Variants in PARP8 observed in about 807,000 individuals in gnomAD.
PARP8 encodes poly(ADP-ribose) polymerase family member 8.
Under a neutral mutation model 124.1 loss-of-function variants are expected in PARP8, and 51 were observed. That is an observed-to-expected ratio of 0.41 (90% CI 0.33 to 0.52). The LOEUF (loss-of-function observed/expected upper bound fraction) is 0.52. Ranked by LOEUF, PARP8 falls within the 20% of genes least tolerant of loss-of-function variation. The probability of loss-of-function intolerance (pLI) is 0.21; values close to 1 mark genes in which losing one functional copy is unlikely to be tolerated. For synonymous variants in PARP8, 391 were observed against 361.5 expected, an observed-to-expected ratio of 1.08 and a Z score of -0.93; for missense variants, 860 against 1,018.9, an observed-to-expected ratio of 0.84 and a Z score of 2.12.
intron 3 of PARP8, among the ~76,000 whole-genome samples, chr5:50,750,889 T>C (rs1759180282): frequency 1.3e-5 from 2 of 150,514 alleles, no homozygotes; most frequent in Admixed American, 1.3e-4. Flanking sequence ...GAAATTTTAC[T>C]GGAAGAACCA....
At chr5:50,789,429 G>A (rs569631485) in intron 10 of PARP8, among the ~76,000 whole-genome samples, 1 of 152,186 alleles carries the variant, frequency 6.6e-6, no homozygotes, top group East Asian at 1.9e-4. Flanking sequence ...GGACCCACTG[G>A]CCTGTGTTTT....
chr5:50,752,990 TTTG>T (rs1171073668), intron 3 of PARP8, among the ~76,000 whole-genome samples: 1 of 152,072 alleles, frequency 6.6e-6, no homozygotes, highest in Admixed American at 6.6e-5. Context: ...TTAGAGGGCC[TTTG>T]TTGAGTCAGC....
chr5:50,736,389 A>T (rs1179403786), intron 2 of PARP8, among the ~76,000 whole-genome samples: 3 of 152,142 alleles, frequency 2.0e-5, no homozygotes, highest in Admixed American at 2.0e-4. Flanking sequence ...CTATTACTTA[A>T]CCAATGCCTA....
intron 3 of PARP8, among the ~76,000 whole-genome samples, chr5:50,754,166 CACACACACACACACAT>C (rs1223784868): frequency 5.0e-5 from 4 of 80,066 alleles, no homozygotes; most frequent in Non-Finnish European, 7.0e-5. Flanking sequence ...CACACACACA[CACACACACACACACAT>C]ATATATATAT....
intron 22 of PARP8, among the ~76,000 whole-genome samples, chr5:50,831,647 C>A (rs779944125): frequency 6.6e-6 from 1 of 152,202 alleles, no homozygotes; most frequent in South Asian, 2.1e-4. Context: ...TAAATACATT[C>A]TCAGCATAAA....
At chr5:50,676,251 TAG>T (rs1750624069) in intron 2 of PARP8, among the ~76,000 whole-genome samples, 1 of 152,336 alleles carries the variant, frequency 6.6e-6, no homozygotes, top group Middle Eastern at 3.4e-3. Flanking sequence ...AACAGTGTAA[TAG>T]AAATGGAAAT....
chr5:50,736,122 A>C (rs1464070710), intron 2 of PARP8, among the ~76,000 whole-genome samples: 3 of 152,078 alleles, frequency 2.0e-5, no homozygotes, highest in Admixed American at 2.0e-4. Context: ...AATAACAACA[A>C]TCAATGAACC....
At chr5:50,809,976 A>G (rs748784572) in intron 14 of PARP8, among the ~76,000 whole-genome samples, 1 of 152,050 alleles carries the variant, frequency 6.6e-6, no homozygotes, top group Non-Finnish European at 1.5e-5. Context: ...TAGGTTCTAA[A>G]ATATTCTTCA....
At position 50,828,387 on chromosome 5, in the gene PARP8, A is replaced by C. The variant is rs1746578920; in HGVS notation, c.2163+3A>C. Reference sequence around the variant, plus strand: ...TTGCTTCTAATACACGATTGCAGGTAGATTTTCTGAATGCTTTCACAAGAC... The same window carrying C: ...TTGCTTCTAATACACGATTGCAGGTCGATTTTCTGAATGCTTTCACAAGAC... On this transcript the variant is annotated splice_donor_region_variant and intron_variant, in intron 21 of 25. Transcript: ENST00000281631. 6.2e-7 allele frequency: 1 copy of C among 1,609,410 alleles called. No individual in the cohort carries two copies. Among genetic ancestry groups the C allele is most frequent in the Admixed American group, 1.7e-5 (1 of 59,822 alleles).
rs574387075 is a variant in PARP8 at position 50,681,618 on chromosome 5, TC to T, written c.146+13495del. Among the ~76,000 whole-genome samples the T allele has an allele frequency of 3.6e-3, 549 of 152,236 alleles. 2 individuals are homozygous for T. Among genetic ancestry groups the T allele is most frequent in the African/African-American group, 0.013 (532 of 41,550 alleles). On this transcript the variant is annotated intron_variant, in intron 2 of 25. Coordinates refer to ENST00000281631, the MANE Select transcript of PARP8 (RefSeq NM_024615.4). ...TTTCAACTAGTTGTGGAGCATTTGC[TC>T]CAAAATAAAATGAAAGTCCTCTCTG...
chr5:50,715,382 C>T (rs769495690), intron 2 of PARP8, among the ~76,000 whole-genome samples: 1 of 151,828 alleles, frequency 6.6e-6, no homozygotes, highest in Non-Finnish European at 1.5e-5. Context: ...TTTTTATAAC[C>T]GTTCTAGGAA....
intron 2 of PARP8, among the ~76,000 whole-genome samples, chr5:50,738,354 C>G (rs1422436407): frequency 6.6e-6 from 1 of 152,076 alleles, no homozygotes; most frequent in Non-Finnish European, 1.5e-5. Context: ...TAATTTATTA[C>G]AATTGTTTTT....
At position 50,794,960 on chromosome 5, in the gene PARP8, GCA is replaced by G; in HGVS notation, c.974_975del (p.Thr325SerfsTer4). 6.2e-7 allele frequency: 1 copy of G among 1,614,208 alleles called. No homozygotes were observed. The highest frequency in any genetic ancestry group is 1.1e-5 in the South Asian group (1 of 91,082). ...AAGCTGCTGCGGAGGACTTGTTCCA[GCA>G]CAGTCAAGACTGATGATGTGTGTGT... On this transcript the variant is annotated frameshift_variant, in exon 12 of 26. Coordinates refer to ENST00000281631, the MANE Select transcript of PARP8 (RefSeq NM_024615.4). LOFTEE classifies it high-confidence loss of function.
intron 2 of PARP8, among the ~76,000 whole-genome samples, chr5:50,709,961 TACATATATACAC>T (rs1471602459): frequency 0.02 from 1,915 of 95,930 alleles, 47 homozygotes; most frequent in African/African-American, 0.058. Flanking sequence ...TATATACACA[TACATATATACAC>T]ACACACACAT....
intron 9 of PARP8, 101 bp from the exon 10 acceptor site, chr5:50,788,422 A>G (rs1207227263): frequency 3.2e-6 from 3 of 948,122 alleles, no homozygotes; most frequent in Admixed American, 4.1e-5. Context: ...AAATGTGTAT[A>G]TGTATATGCA....
At chr5:50,693,644 A>G (rs1579980139) in intron 2 of PARP8, among the ~76,000 whole-genome samples, 1 of 151,624 alleles carries the variant, frequency 6.6e-6, no homozygotes, top group East Asian at 1.9e-4. Context: ...TACATACATT[A>G]ATTATATAAT....
In PARP8 at chr5:50,846,061, A is replaced by G. The variant is rs1748588721; in HGVS notation, c.*3993A>G. ...AAAGCTGTGTTGACGAATAGATTAC[A>G]TTTCACATTTACCAGCAAGTCAGTA... is the stretch of plus-strand genomic sequence containing the variant. On this transcript the variant is annotated 3_prime_UTR_variant, in exon 26 of 26. Coordinates refer to ENST00000281631, the MANE Select transcript of PARP8 (RefSeq NM_024615.4). The G allele has an allele frequency of 6.6e-6, 1 of 151,796 alleles. No individual in the cohort carries two copies. The highest frequency in any genetic ancestry group is 2.4e-5 in the African/African-American group (1 of 41,404). 9.4% of individuals were successfully genotyped at this position (151,796 alleles called of 1,614,324 possible).
At chr5:50,703,210 G>T (rs1178720058) in intron 2 of PARP8, among the ~76,000 whole-genome samples, 3 of 151,416 alleles carry the variant, frequency 2.0e-5, no homozygotes, top group Non-Finnish European at 2.9e-5. Context: ...CGGAGGTGGG[G>T]AGATCGCTTG....
Position 50,842,016 on chromosome 5 carries a change from G to T in PARP8, c.2513G>T (p.Gly838Val). ...GCAAATATTAATACACAAGAAGGAG[G>T]CATTCACAAAGAGATCCTCCGAGTA... is the stretch of plus-strand genomic sequence containing the variant. ...GDANINTQEGGIHKEILRVIG... is the reference protein window; with the variant it reads ...GDANINTQEGVIHKEILRVIG... Residue 838 changes from glycine (G) to valine (V), a missense_variant, in exon 26 of 26, where the codon GGC becomes GTC. Transcript: ENST00000281631. 1 of 1,606,056 alleles carries T rather than the reference G, an allele frequency of 6.2e-7. No individual in the cohort carries two copies. Among genetic ancestry groups the T allele is most frequent in the Non-Finnish European group, 8.5e-7 (1 of 1,175,660 alleles).
Sources: allele counts gnomAD v4.1 joint callset (sites outside exome capture counted in the v4.1 genomes callset), GRCh38; gene constraint gnomAD v4.1.1; transcripts MANE v1.5; gene names NCBI Gene and HGNC (gene_info 2026-07-23, HGNC 2026-07-21).